The following EIF3E variants were observed in gnomAD, a reference collection of about 807,000 sequenced individuals.
EIF3E encodes the protein eIF-3 p48.
A neutral mutation model predicts 59.3 loss-of-function variants in EIF3E; 25 were observed. That is an observed-to-expected ratio of 0.42 (90% CI 0.31 to 0.59). EIF3E has a LOEUF of 0.59. Among genes scored for constraint, EIF3E ranks in the 20% least tolerant of loss-of-function variants. EIF3E has a pLI of 0.15. For missense variants in EIF3E, 317 were observed against 534.3 expected (o/e 0.59, Z 4.01); for synonymous variants, 176 against 170.2 (o/e 1.03, Z -0.26).
chr8:108,221,796 A>ACACACACGCG (rs1554599508), intron 7 of EIF3E, among the ~76,000 whole-genome samples: 3 of 143,424 alleles, frequency 2.1e-5, no homozygotes, highest in Non-Finnish European at 3.0e-5. Context: ...CTGCCAGACT[A>ACACACACGCG]CACACACACG....
chr8:108,221,878 C>T (rs1815423268), intron 7 of EIF3E, among the ~76,000 whole-genome samples: 1 of 152,072 alleles, frequency 6.6e-6, no homozygotes, highest in Non-Finnish European at 1.5e-5. Context: ...AATTTCATGT[C>T]ATTTTCACAT....
intron 1 of EIF3E, among the ~76,000 whole-genome samples, chr8:108,247,678 T>A (rs533055842): frequency 1.4e-4 from 21 of 152,280 alleles, no homozygotes; most frequent in African/African-American, 5.1e-4. Context: ...AAATCTAGAG[T>A]TCCCTAAGTA....
chr8:108,228,336 G>C lies in EIF3E; in HGVS notation c.653C>G (p.Ser218Cys), dbSNP rs1391927205. 1 of 1,608,536 alleles carries C rather than the reference G, an allele frequency of 6.2e-7. No homozygotes were observed. Among genetic ancestry groups the C allele is most frequent in the East Asian group, 2.2e-5 (1 of 44,584 alleles). ...LQQRTWLIHW[S>C]LFVFFNHPKG... The stretch of plus-strand genomic sequence containing the variant: ...GGGGTGATTGAAGAAAACAAACAGA[G>C]ACCAGTGAATGAGCCATGTTCTCTG... The change falls in exon 7 of 13, where the codon TCT (serine) becomes TGT (cysteine). Residue 218 changes from serine (S) to cysteine (C), a missense_variant. Physicochemically the swap from Ser to Cys is moderately radical, Grantham distance 112. Around this residue, in one of 4 missense-constraint regions of EIF3E, gnomAD observed 242 missense variants for 398.0 expected, o/e 0.61. Coordinates refer to ENST00000220849, the MANE Select transcript of EIF3E (RefSeq NM_001568.3).
At chr8:108,217,604 G>A (rs78948636) in intron 7 of EIF3E, 144 bp from the exon 8 acceptor site, 1 of 616,026 alleles carries the variant, frequency 1.6e-6, no homozygotes, top group South Asian at 3.3e-5. Flanking sequence ...TCTCCTCCAA[G>A]GAAATTTAAA....
At chr8:108,231,864 G>A (rs1416856365) in intron 5 of EIF3E, 7 of 150,480 alleles carry the variant, frequency 4.7e-5, no homozygotes, top group Non-Finnish European at 1.5e-5. Context: ...TTTTTTAAGG[G>A]CAGATTCTAG....
rs1815576430 is a variant in EIF3E at position 108,229,213 on chromosome 8, A to AT, written c.472-19dup. ...GCTGGAACCTGTTTAAGAAATCATA[A>AT]TTAATTATATTGTGAATACTCTTGA... is the stretch of plus-strand genomic sequence containing the variant. On this transcript the variant is annotated intron_variant, in intron 5 of 12. Coordinates refer to ENST00000220849, the MANE Select transcript of EIF3E (RefSeq NM_001568.3). 1 of 1,610,178 alleles carries AT rather than the reference A, an allele frequency of 6.2e-7. No individual in the cohort carries two copies. The highest frequency in any genetic ancestry group is 8.5e-7 in the Non-Finnish European group (1 of 1,177,516).
At chr8:108,207,102 TTATC>T (rs1563626776) in intron 10 of EIF3E, among the ~76,000 whole-genome samples, 1 of 152,196 alleles carries the variant, frequency 6.6e-6, no homozygotes, top group Non-Finnish European at 1.5e-5. Flanking sequence ...GCATCTCAGT[TTATC>T]TAAGCTGCTG....
intron 7 of EIF3E, among the ~76,000 whole-genome samples, chr8:108,225,039 T>C (rs1366753110): frequency 1.3e-5 from 2 of 151,648 alleles, no homozygotes; most frequent in Non-Finnish European, 2.9e-5. Flanking sequence ...GCTTCTGCTG[T>C]ATACACACTT....
At chr8:108,238,577 G>A (rs1815780030) in intron 3 of EIF3E, among the ~76,000 whole-genome samples, 1 of 152,060 alleles carries the variant, frequency 6.6e-6, no homozygotes, top group South Asian at 2.1e-4. Flanking sequence ...TTTTCAATCT[G>A]CAGTTGGCTG....
intron 1 of EIF3E, among the ~76,000 whole-genome samples, chr8:108,243,638 G>GAAAAAAAAAAAAAAAAAAAAA (rs779684560): frequency 1.4e-5 from 1 of 70,978 alleles, no homozygotes; most frequent in Non-Finnish European, 2.8e-5. Context: ...CAAAAAAAAA[G>GAAAAAAAAAAAAAAAAAAAAA]AAAAAAAAAA....
chr8:108,207,606 G>C (rs1815127965), intron 10 of EIF3E, among the ~76,000 whole-genome samples: 1 of 152,134 alleles, frequency 6.6e-6, no homozygotes, highest in African/African-American at 2.4e-5. Context: ...CAAATTTCTA[G>C]ATTATTTAGA....
intron 10 of EIF3E, among the ~76,000 whole-genome samples, chr8:108,204,746 T>TATATATATATAGAGAG (rs1354950271): frequency 7.9e-5 from 9 of 113,686 alleles, no homozygotes; most frequent in East Asian, 2.9e-4. Flanking sequence ...TATATATATA[T>TATATATATATAGAGAG]AGAGAGAGAG....
At chr8:108,229,021 A>C in intron 6 of EIF3E, 49 bp downstream of exon 6, 1 of 1,492,052 alleles carries the variant, frequency 6.7e-7, no homozygotes. Flanking sequence ...AGAAAGTGTG[A>C]AGGATACACA....
chr8:108,230,042 C>G (rs991227112), intron 5 of EIF3E, among the ~76,000 whole-genome samples: 2 of 152,116 alleles, frequency 1.3e-5, no homozygotes, highest in Non-Finnish European at 2.9e-5. Flanking sequence ...AGTAGGTAAA[C>G]TGACTCTGAA....
At chr8:108,238,503 C>T (rs910570733) in intron 3 of EIF3E, among the ~76,000 whole-genome samples, 1 of 152,176 alleles carries the variant, frequency 6.6e-6, no homozygotes. Context: ...TTAGTTGTTA[C>T]ACTGTAGTTT....
At chr8:108,236,743 C>T (rs766540895) in intron 3 of EIF3E, among the ~76,000 whole-genome samples, 8 of 152,144 alleles carry the variant, frequency 5.3e-5, no homozygotes, top group Non-Finnish European at 7.4e-5. Context: ...CATGCCTGGC[C>T]GGCCGCAGTG....
intron 5 of EIF3E, chr8:108,234,513 AG>A (rs2129908792): frequency 6.6e-6 from 1 of 152,546 alleles, no homozygotes; most frequent in South Asian, 2.1e-4. Flanking sequence ...CTGAAGGCAG[AG>A]GTAACTGGAA....
At chr8:108,230,944 C>T (rs1815611981) in intron 5 of EIF3E, among the ~76,000 whole-genome samples, 1 of 152,078 alleles carries the variant, frequency 6.6e-6, no homozygotes, top group Admixed American at 6.5e-5. Flanking sequence ...CACTTACATA[C>T]ATAAAATTCT....
intron 1 of EIF3E, chr8:108,242,634 G>A: frequency 3.5e-6 from 4 of 1,154,266 alleles, no homozygotes; most frequent in Non-Finnish European, 3.2e-6. Context: ...AGATGAAGGT[G>A]GTCAAAGGGT....
Sources: allele counts gnomAD v4.1 joint callset (sites outside exome capture counted in the v4.1 genomes callset), GRCh38; gene constraint gnomAD v4.1.1; regional missense constraint gnomAD v4.1.1; transcripts MANE v1.5; gene names NCBI Gene and HGNC (gene_info 2026-07-23, HGNC 2026-07-21).